FBXL5: variants seen among roughly 807,000 people sequenced by gnomAD.
FBXL5 encodes the protein F-box/LRR-repeat protein 5.
In FBXL5, 26 loss-of-function variants were observed where a neutral mutation model predicts 78.3. That is an observed-to-expected ratio of 0.33 (90% confidence interval 0.24 to 0.46). The LOEUF is 0.46. Ranked by LOEUF, FBXL5 falls within the 20% of genes least tolerant of loss-of-function variation. FBXL5 has a pLI of 1.00. For synonymous variants in FBXL5, 295 were observed against 282.5 expected, an observed-to-expected ratio of 1.04 and a Z score of -0.45; for missense variants, 710 against 829.2, an observed-to-expected ratio of 0.86 and a Z score of 1.77.
chr4:15,649,320 C>G lies in FBXL5; in HGVS notation c.85-4612G>C, dbSNP rs923216173. Among the ~76,000 whole-genome samples, 22 of 152,068 alleles carry G rather than the reference C, an allele frequency of 1.4e-4. 1 individual carries two copies. The highest frequency in any genetic ancestry group is 4.8e-4 in the African/African-American group (20 of 41,432). On this transcript the variant is annotated intron_variant, in intron 1 of 10. Coordinates refer to ENST00000341285, the MANE Select transcript of FBXL5 (RefSeq NM_012161.4). Reference sequence around the variant, plus strand: ...CAGGGCCGGGCACAGTGGTTCACGCCTGTAATCCCAGCACTTTGGGAGGCC... The same window carrying G: ...CAGGGCCGGGCACAGTGGTTCACGCGTGTAATCCCAGCACTTTGGGAGGCC...
intron 9 of FBXL5, among the ~76,000 whole-genome samples, chr4:15,618,424 C>T (rs1189891633): frequency 2.6e-5 from 4 of 151,952 alleles, no homozygotes; most frequent in African/African-American, 9.7e-5. Context: ...CAAGAAATAC[C>T]CAAACTGATC....
At chr4:15,634,322 G>A (rs550874927) in intron 5 of FBXL5, among the ~76,000 whole-genome samples, 12 of 152,134 alleles carry the variant, frequency 7.9e-5, no homozygotes, top group Admixed American at 7.9e-4. Flanking sequence ...TCAAGTAACT[G>A]GGATTACAGG....
chr4:15,630,658 A>T lies in FBXL5; in HGVS notation c.892+8T>A. The T allele has an allele frequency of 6.4e-7, 1 of 1,558,544 alleles. No individual in the cohort carries two copies. On this transcript the variant is annotated splice_region_variant and intron_variant, in intron 6 of 10. Coordinates refer to ENST00000341285, the MANE Select transcript of FBXL5 (RefSeq NM_012161.4). ...CTATGTAATAATTTTAATTCCAAAC[A>T]AGCTTACCAGATTCATCAATGTCAG...
At chr4:15,622,165 A>G (rs575030377) in intron 9 of FBXL5, among the ~76,000 whole-genome samples, 1 of 152,218 alleles carries the variant, frequency 6.6e-6, no homozygotes, top group South Asian at 2.1e-4. Context: ...CACATTACCA[A>G]CTTGTCAAAA....
At chr4:15,653,626 T>C (rs1716419516) in intron 1 of FBXL5, among the ~76,000 whole-genome samples, 1 of 149,160 alleles carries the variant, frequency 6.7e-6, no homozygotes, top group African/African-American at 2.4e-5. Context: ...TCACTTCCAC[T>C]TTCGATTTTT....
chr4:15,634,953 TAAC>T (rs1667236817), intron 5 of FBXL5, among the ~76,000 whole-genome samples: 2 of 152,128 alleles, frequency 1.3e-5, no homozygotes, highest in Non-Finnish European at 1.5e-5. Flanking sequence ...TTATCCCACA[TAAC>T]AACTAATTAT....
chr4:15,626,828 A>T (rs1317598362), intron 8 of FBXL5, 45 bp downstream of exon 8: 2 of 1,348,602 alleles, frequency 1.5e-6, no homozygotes, highest in Non-Finnish European at 1.0e-6. Flanking sequence ...ATGAAACCTT[A>T]TAAAATAGTT....
chr4:15,606,772 A>G (rs1436947986), intron 10 of FBXL5, among the ~76,000 whole-genome samples: 2 of 152,358 alleles, frequency 1.3e-5, no homozygotes, highest in African/African-American at 4.8e-5. Context: ...CATGAAATAT[A>G]ATTTTACTGC....
upstream of FBXL5, chr4:15,656,404 T>C (rs898095097): frequency 4.8e-5 from 20 of 418,116 alleles, no homozygotes; most frequent in East Asian, 7.2e-4. Flanking sequence ...GGAATTGTTA[T>C]TTGCTTAATG....
At chr4:15,611,717 T>C (rs1225332344) in intron 10 of FBXL5, among the ~76,000 whole-genome samples, 1 of 152,128 alleles carries the variant, frequency 6.6e-6, no homozygotes, top group Non-Finnish European at 1.5e-5. Context: ...ACAGGAATTC[T>C]AGTCATGTCT....
chr4:15,653,884 T>G (rs527753425), intron 1 of FBXL5, among the ~76,000 whole-genome samples: 2 of 152,296 alleles, frequency 1.3e-5, no homozygotes, highest in Admixed American at 1.3e-4. Context: ...AATCCTAATT[T>G]TAGTGACCTA....
intron 5 of FBXL5, among the ~76,000 whole-genome samples, chr4:15,631,163 C>T (rs185038860): frequency 9.2e-5 from 14 of 152,134 alleles, no homozygotes; most frequent in South Asian, 4.1e-4. Context: ...TGAGAACATG[C>T]GGTATTTGGT....
At chr4:15,622,094 A>G (rs959542591) in intron 9 of FBXL5, among the ~76,000 whole-genome samples, 1 of 152,154 alleles carries the variant, frequency 6.6e-6, no homozygotes. Flanking sequence ...TGGCCTCCCA[A>G]AGTGCTGGGA....
upstream of FBXL5, among the ~76,000 whole-genome samples, chr4:15,660,078 T>C (rs190160831): frequency 4.0e-3 from 609 of 151,718 alleles, 3 homozygotes; most frequent in Middle Eastern, 0.01. Flanking sequence ...TCCCTACCCC[T>C]GACATTTTTT....
chr4:15,622,266 AAATT>A (rs1712563909), intron 9 of FBXL5, among the ~76,000 whole-genome samples: 2 of 152,214 alleles, frequency 1.3e-5, no homozygotes, highest in South Asian at 4.1e-4. Context: ...CTATTCCTAT[AAATT>A]AAGTTGTATG....
chr4:15,663,357 T>C (rs573100607), upstream of FBXL5, among the ~76,000 whole-genome samples: 2 of 152,342 alleles, frequency 1.3e-5, no homozygotes, highest in African/African-American at 4.8e-5. Flanking sequence ...GATACCATAA[T>C]AGACTCTAGT....
At chr4:15,613,231 T>C (rs1295054284) in intron 9 of FBXL5, among the ~76,000 whole-genome samples, 8 of 152,146 alleles carry the variant, frequency 5.3e-5, no homozygotes, top group Non-Finnish European at 1.5e-5. Context: ...TATGGGGTTC[T>C]TTTTGGGATG....
At position 15,625,740 on chromosome 4, in the gene FBXL5, G is replaced by A; in HGVS notation, c.1362C>T (p.Gly454=). Residue 454 remains glycine, a synonymous_variant, in exon 9 of 11, where the codon GGC becomes GGT. Transcript: ENST00000341285. ...GTTCATTATCTATTTCTTCTCCAAT[G>A]CCCTTGTTAGTTAAATCGTGCAAAC... ...YACLHDLTNK[G]IGEEIDNEHP... 2 of 1,614,166 alleles carry A rather than the reference G, an allele frequency of 1.2e-6. No individual in the cohort carries two copies. Among genetic ancestry groups the A allele is most frequent in the Admixed American group, 1.7e-5 (1 of 60,016 alleles).
At chr4:15,659,932 A>G (rs2148763320), upstream of FBXL5, 3 of 153,162 alleles carry the variant, frequency 2.0e-5, no homozygotes, top group South Asian at 6.2e-4. Context: ...TCTGGAATGG[A>G]AAGAAATGAT....
Sources: allele counts gnomAD v4.1 joint callset (sites outside exome capture counted in the v4.1 genomes callset), GRCh38; gene constraint gnomAD v4.1.1; transcripts MANE v1.5; gene names NCBI Gene and HGNC (gene_info 2026-07-23, HGNC 2026-07-21).